The following DUSP16 variants were observed in gnomAD, a reference collection of about 807,000 sequenced individuals.
DUSP16 encodes dual specificity protein phosphatase 16.
DUSP16 carries 21 observed loss-of-function variants against 58.3 expected under a neutral mutation model. The observed-to-expected ratio is 0.36, with a 90% CI of 0.26 to 0.52. The LOEUF is 0.52. DUSP16 is among the 20% of genes least tolerant of loss of function. The pLI, the probability that DUSP16 is intolerant of heterozygous loss-of-function variation, is 0.94. For missense variants in DUSP16, 726 were observed against 819.0 expected (o/e 0.89, Z 1.39); for synonymous variants, 320 against 323.8 (o/e 0.99, Z 0.12).
rs1401254776 is a variant in DUSP16, at chr12:12,562,708, AAGG to A, written c.-960_-958del. ...AATGAACTCAGCGGAGCCCCGGGGAAAGGAGGAGACAGGCGAGGGCAGGGCGGT... is the reference window on the plus strand; with the variant it reads ...AATGAACTCAGCGGAGCCCCGGGGAAAGGAGACAGGCGAGGGCAGGGCGGT... On this transcript the variant is annotated 5_prime_UTR_variant, in exon 1 of 7. Transcript: ENST00000298573. Among the ~76,000 whole-genome samples, 2 of 151,562 alleles carry A rather than the reference AAGG, an allele frequency of 1.3e-5. No homozygotes were observed. The highest frequency in any genetic ancestry group is 3.0e-5 in the Non-Finnish European group (2 of 67,750).
At chr12:12,536,934 G>A (rs1166531128) in intron 1 of DUSP16, among the ~76,000 whole-genome samples, 2 of 152,138 alleles carry the variant, frequency 1.3e-5, no homozygotes, top group East Asian at 3.8e-4. Flanking sequence ...AGCTACTCGG[G>A]AGGCTGAGGC....
chr12:12,539,788 C>T (rs1032164781), intron 1 of DUSP16, among the ~76,000 whole-genome samples: 6 of 150,410 alleles, frequency 4.0e-5, no homozygotes, highest in African/African-American at 1.5e-4. Flanking sequence ...CAGTGGTTCA[C>T]ACCTGCAATC....
At chr12:12,494,862 G>A (rs138453306) in intron 4 of DUSP16, among the ~76,000 whole-genome samples, 3 of 152,250 alleles carry the variant, frequency 2.0e-5, no homozygotes, top group Admixed American at 1.3e-4. Context: ...AAGACTGATC[G>A]ATTTATTAAA....
intron 1 of DUSP16, among the ~76,000 whole-genome samples, chr12:12,542,430 A>G (rs956155501): frequency 8.6e-5 from 13 of 151,438 alleles, no homozygotes; most frequent in Non-Finnish European, 1.8e-4. Flanking sequence ...GAAAGGGCAA[A>G]TGCATAGGGA....
At chr12:12,540,034 G>A (rs971196713) in intron 1 of DUSP16, among the ~76,000 whole-genome samples, 3 of 151,202 alleles carry the variant, frequency 2.0e-5, no homozygotes, top group Admixed American at 6.6e-5. Context: ...TGGCCTGGGC[G>A]ACAGACTGAG....
Position 12,476,954 on chromosome 12 carries a change from C to T in DUSP16, c.1877G>A (p.Arg626Lys). ...ESPFEKQFKRRSCQMEFGESI... is the reference protein window; with the variant it reads ...ESPFEKQFKRKSCQMEFGESI... ...CTCTCCAAATTCCATTTGGCAGCTT[C>T]TGCGTTTAAACTGCTTTTCAAAGGG... The change falls in exon 7 of 7, where the codon AGA becomes AAA. Residue 626 changes from arginine (R) to lysine (K), a missense_variant. Coordinates refer to ENST00000298573, the MANE Select transcript of DUSP16 (RefSeq NM_030640.3). 4.3e-6 allele frequency: 7 copies of T among 1,614,210 alleles called. No homozygotes were observed. Among genetic ancestry groups the T allele is most frequent in the Non-Finnish European group, 5.9e-6 (7 of 1,180,038 alleles).
intron 3 of DUSP16, among the ~76,000 whole-genome samples, chr12:12,502,959 C>T (rs1464876146): frequency 6.6e-6 from 1 of 152,294 alleles, no homozygotes; most frequent in East Asian, 1.9e-4. Context: ...ATACAGCATA[C>T]ACATGTGGGC....
chr12:12,517,183 A>T (rs547598337), intron 3 of DUSP16, among the ~76,000 whole-genome samples: 1 of 152,242 alleles, frequency 6.6e-6, no homozygotes, highest in Non-Finnish European at 1.5e-5. Flanking sequence ...TGACCATAAA[A>T]ACCATCTCAC....
intron 5 of DUSP16, among the ~76,000 whole-genome samples, chr12:12,485,992 A>C (rs1376999087): frequency 1.3e-5 from 2 of 149,862 alleles, no homozygotes. Context: ...ATGGGTTTTC[A>C]CTGTGTTAGC....
At chr12:12,493,577 A>G (rs1171102434) in intron 4 of DUSP16, among the ~76,000 whole-genome samples, 1 of 152,148 alleles carries the variant, frequency 6.6e-6, no homozygotes, top group Non-Finnish European at 1.5e-5. Context: ...TATTGTCTGG[A>G]TCTGCTCCTG....
chr12:12,513,900 ATAAAC>A (rs1201803090), intron 3 of DUSP16, among the ~76,000 whole-genome samples: 2 of 152,212 alleles, frequency 1.3e-5, no homozygotes, highest in African/African-American at 4.8e-5. Flanking sequence ...GACAAGTAGA[ATAAAC>A]TGATACATAG....
chr12:12,483,451 A>G (rs1365228996), intron 5 of DUSP16, among the ~76,000 whole-genome samples: 1 of 151,654 alleles, frequency 6.6e-6, no homozygotes, highest in Non-Finnish European at 1.5e-5. Context: ...TATCCCTGTA[A>G]GGTAGGTATA....
intron 3 of DUSP16, among the ~76,000 whole-genome samples, chr12:12,503,823 A>G (rs1391250445): frequency 1.3e-5 from 2 of 152,210 alleles, no homozygotes; most frequent in Non-Finnish European, 2.9e-5. Flanking sequence ...AAGTTTCCCC[A>G]AACTTATCTG....
intron 1 of DUSP16, among the ~76,000 whole-genome samples, chr12:12,527,922 T>G (rs992496100): frequency 4.6e-5 from 7 of 152,164 alleles, no homozygotes; most frequent in Middle Eastern, 3.2e-3. Context: ...AGATAAAGGC[T>G]GGAATAGCAG....
intron 4 of DUSP16, among the ~76,000 whole-genome samples, chr12:12,492,852 G>A (rs1943780121): frequency 1.3e-5 from 2 of 152,042 alleles, no homozygotes. Context: ...TGGCACACTC[G>A]ACTGCTCCTT....
rs779025774 is a variant in DUSP16 at position 12,550,887 on chromosome 12, T to G, written c.-366+11230A>C. Among the ~76,000 whole-genome samples the G allele has an allele frequency of 4.6e-4, 69 of 151,246 alleles. 1 individual carries two copies. The highest frequency in any genetic ancestry group is 8.4e-4 in the Non-Finnish European group (57 of 67,780). ...CACATGTACCCCAAAACTTAAAGTA[T>G]AATTAAAAAAAAAAGCCAGTCTCAC... On this transcript the variant is annotated intron_variant, in intron 1 of 6. Coordinates refer to ENST00000298573, the MANE Select transcript of DUSP16 (RefSeq NM_030640.3).
intron 1 of DUSP16, among the ~76,000 whole-genome samples, chr12:12,551,795 C>A (rs902791043): frequency 6.6e-6 from 1 of 151,544 alleles, no homozygotes; most frequent in Admixed American, 6.6e-5. Context: ...CAGGTTCAAG[C>A]AATTCTCCTG....
At chr12:12,502,550 A>ATTTT (rs58116968) in intron 3 of DUSP16, among the ~76,000 whole-genome samples, 1 of 130,900 alleles carries the variant, frequency 7.6e-6, no homozygotes, top group Non-Finnish European at 1.6e-5. Flanking sequence ...TCATGGTTTC[A>ATTTT]TTTTTTTTTT....
chr12:12,500,934 T>C (rs1168703056), intron 3 of DUSP16, among the ~76,000 whole-genome samples: 1 of 152,004 alleles, frequency 6.6e-6, no homozygotes, highest in Non-Finnish European at 1.5e-5. Context: ...TCAGATATTC[T>C]CTTCATCTTC....
Sources: allele counts gnomAD v4.1 joint callset (sites outside exome capture counted in the v4.1 genomes callset), GRCh38; gene constraint gnomAD v4.1.1; transcripts MANE v1.5; gene names NCBI Gene and HGNC (gene_info 2026-07-23, HGNC 2026-07-21).